JAK1: variants seen among roughly 807,000 people sequenced by gnomAD.
The protein encoded by JAK1 is tyrosine-protein kinase JAK1.
JAK1 carries 16 observed loss-of-function variants against 136.6 expected under a neutral mutation model. The ratio of observed to expected loss-of-function variants is 0.12; its 90% CI spans 0.08 to 0.18. The LOEUF (loss-of-function observed/expected upper bound fraction) is 0.18, where lower values mean the gene tolerates loss of function less well. JAK1 is among the 10% of genes least tolerant of loss of function. JAK1 has a pLI of 1.00. For synonymous variants in JAK1, 492 were observed against 519.5 expected, an observed-to-expected ratio of 0.95 and a Z score of 0.72; for missense variants, 859 against 1,450.1, an observed-to-expected ratio of 0.59 and a Z score of 6.62.
chr1:64,856,246 G>A, intron 10 of JAK1, among the ~76,000 whole-genome samples: 1 of 152,180 alleles, frequency 6.6e-6, no homozygotes, highest in East Asian at 1.9e-4. Flanking sequence ...CAGATAGGAG[G>A]TATAAGCAGT....
At chr1:64,873,270 A>T in intron 5 of JAK1, 100 bp downstream of exon 5, 1 of 1,407,284 alleles carries the variant, frequency 7.1e-7, no homozygotes, top group Non-Finnish European at 9.9e-7. Context: ...GCCTTAAAGC[A>T]CTCTAGCACC....
At chr1:64,924,944 A>T (rs1406721779) in intron 1 of JAK1, among the ~76,000 whole-genome samples, 11 of 152,246 alleles carry the variant, frequency 7.2e-5, no homozygotes, top group Admixed American at 7.2e-4. Flanking sequence ...CCAAACCCAT[A>T]GAATGCACAA....
intron 2 of JAK1, chr1:64,990,127 G>A (rs184198715): frequency 0.012 from 1,792 of 152,302 alleles, 17 homozygotes; most frequent in Non-Finnish European, 0.019. Context: ...GGACAACATG[G>A]TGAAACCCCA....
intron 1 of JAK1, among the ~76,000 whole-genome samples, chr1:64,910,843 C>CAAAAAAAA (rs369528546): frequency 1.3e-4 from 12 of 89,294 alleles, no homozygotes; most frequent in South Asian, 4.0e-4. Context: ...GACTCTGTCT[C>CAAAAAAAA]AAAAAAAAAA....
At chr1:64,856,392 T>A (rs903955236) in intron 10 of JAK1, among the ~76,000 whole-genome samples, 1 of 152,160 alleles carries the variant, frequency 6.6e-6, no homozygotes, top group African/African-American at 2.4e-5. Context: ...AATGGGATAA[T>A]ATCACCTACC....
chr1:65,018,995 A>G (rs1173073911), intron 2 of JAK1, among the ~76,000 whole-genome samples: 2 of 152,204 alleles, frequency 1.3e-5, no homozygotes, highest in African/African-American at 4.8e-5. Flanking sequence ...TGGGGGACAG[A>G]GTGAGATTCC....
At chr1:65,025,027 C>T (rs1251753821) in intron 2 of JAK1, among the ~76,000 whole-genome samples, 1 of 152,110 alleles carries the variant, frequency 6.6e-6, no homozygotes, top group African/African-American at 2.4e-5. Flanking sequence ...CCCCTCTTAG[C>T]TCTGTTTTCA....
intron 1 of JAK1, among the ~76,000 whole-genome samples, chr1:64,888,236 C>CA (rs1157899095): frequency 6.6e-6 from 1 of 152,236 alleles, no homozygotes; most frequent in Non-Finnish European, 1.5e-5. Flanking sequence ...GGCTGGAGTG[C>CA]AGTGGCATGA....
At chr1:65,063,597 A>G (rs1647907451) in intron 1 of JAK1, among the ~76,000 whole-genome samples, 1 of 152,184 alleles carries the variant, frequency 6.6e-6, no homozygotes, top group Non-Finnish European at 1.5e-5. Flanking sequence ...CGAGCTTAGG[A>G]GTTCAAGACC....
intron 1 of JAK1, among the ~76,000 whole-genome samples, chr1:65,047,277 C>T (rs867515265): frequency 4.6e-5 from 7 of 152,156 alleles, no homozygotes; most frequent in South Asian, 2.1e-4. Flanking sequence ...TTAAAAATAA[C>T]TACTTCCCCT....
chr1:64,956,469 C>T (rs1473625128), intron 1 of JAK1, among the ~76,000 whole-genome samples: 2 of 152,206 alleles, frequency 1.3e-5, no homozygotes, highest in Admixed American at 1.3e-4. Flanking sequence ...ACTCATTACT[C>T]ATCCTTCAGG....
intron 1 of JAK1, among the ~76,000 whole-genome samples, chr1:64,907,506 A>C (rs969606215): frequency 1.3e-5 from 2 of 152,154 alleles, no homozygotes; most frequent in African/African-American, 2.4e-5. Context: ...TTGGACACAC[A>C]GCGGGGAACA....
intron 21 of JAK1, 44 bp downstream of exon 21, chr1:64,838,421 G>T: frequency 6.2e-7 from 1 of 1,601,250 alleles, no homozygotes; most frequent in South Asian, 1.1e-5. Flanking sequence ...CCAGGACAGA[G>T]TGCCTGATGT....
chr1:64,941,389 T>C (rs1456623719), intron 1 of JAK1, among the ~76,000 whole-genome samples: 2 of 152,170 alleles, frequency 1.3e-5, no homozygotes, highest in Non-Finnish European at 2.9e-5. Context: ...CTACAAATTC[T>C]TTCAGTTGGG....
intron 2 of JAK1, among the ~76,000 whole-genome samples, chr1:65,001,197 T>C (rs531253483): frequency 6.6e-6 from 1 of 152,374 alleles, no homozygotes; most frequent in African/African-American, 2.4e-5. Context: ...CATTCGCCGA[T>C]TTCACTTTTC....
chr1:65,058,476 C>G, intron 1 of JAK1: 1 of 533,978 alleles, frequency 1.9e-6, no homozygotes, highest in South Asian at 1.4e-5. Context: ...TTAGAATAGA[C>G]AGCATCAGCA....
At chr1:65,053,002 G>C (rs1194900430) in intron 1 of JAK1, among the ~76,000 whole-genome samples, 1 of 133,908 alleles carries the variant, frequency 7.5e-6, no homozygotes, top group African/African-American at 3.0e-5. Flanking sequence ...TTGCACTCCA[G>C]CCTGGTGACA....
chr1:64,988,082 G>A (rs41285418), intron 2 of JAK1, among the ~76,000 whole-genome samples: 11,466 of 152,170 alleles, frequency 0.075, 561 homozygotes, highest in African/African-American at 0.12. Flanking sequence ...TCAATTATGT[G>A]TGTGTTTTCT....
At chr1:65,029,749 G>T (rs774890862) in intron 2 of JAK1, among the ~76,000 whole-genome samples, 8 of 152,152 alleles carry the variant, frequency 5.3e-5, no homozygotes, top group Admixed American at 1.3e-4. Context: ...ACAAGTGTGA[G>T]CTAAATGATG....
Sources: allele counts gnomAD v4.1 joint callset (sites outside exome capture counted in the v4.1 genomes callset), GRCh38; gene constraint gnomAD v4.1.1; transcripts MANE v1.5; gene names NCBI Gene and HGNC (gene_info 2026-07-23, HGNC 2026-07-21).